Variants in ZBTB44 observed in about 807,000 individuals in gnomAD.
The protein encoded by ZBTB44 is zinc finger and BTB domain containing 44.
Under a neutral mutation model 54.0 loss-of-function variants are expected in ZBTB44, and 15 were observed. That is an observed-to-expected ratio of 0.28 (90% CI 0.19 to 0.43). ZBTB44 has a LOEUF of 0.43. Ranked by LOEUF, ZBTB44 falls within the 20% of genes least tolerant of loss-of-function variation. The probability of loss-of-function intolerance (pLI) is 1.00; values close to 1 mark genes in which losing one functional copy is unlikely to be tolerated. For missense variants in ZBTB44, 487 were observed against 707.1 expected, an observed-to-expected ratio of 0.69 and a Z score of 3.53; for synonymous variants, 230 against 250.1, an observed-to-expected ratio of 0.92 and a Z score of 0.76.
In ZBTB44 at chr11:130,314,387, G is replaced by GCGC. The variant is rs1242459696; in HGVS notation, c.-72_-70dup. On this transcript the variant is annotated 5_prime_UTR_variant, in exon 1 of 8. Transcript: ENST00000357899. Reference sequence around the variant, plus strand: ...CCCTCCCCGTTACCTGCGGGCGGCGGCGCCGGGCCCGGAGGCCTGCTGCTC... The same window carrying GCGC: ...CCCTCCCCGTTACCTGCGGGCGGCGGCGCCGCCGGGCCCGGAGGCCTGCTGCTC... 6 of 153,150 alleles carry GCGC rather than the reference G, an allele frequency of 3.9e-5. No individual in the cohort carries two copies. Among genetic ancestry groups the GCGC allele is most frequent in the Non-Finnish European group, 7.3e-5 (5 of 68,224 alleles). The allele number at this position is 153,150 out of a possible 1,614,324, so 9.5% of individuals were successfully genotyped here. A position where few individuals can be genotyped will look rare whatever the true frequency, so the allele number is the denominator to read the frequency against.
chr11:130,270,159 A>C (rs1939564071), intron 1 of ZBTB44, among the ~76,000 whole-genome samples: 1 of 152,232 alleles, frequency 6.6e-6, no homozygotes, highest in Admixed American at 6.5e-5. Flanking sequence ...TGATATTTGA[A>C]AGAATGTATC....
chr11:130,306,866 T>C (rs1003130665), intron 1 of ZBTB44, among the ~76,000 whole-genome samples: 4 of 151,918 alleles, frequency 2.6e-5, no homozygotes, highest in African/African-American at 9.7e-5. Flanking sequence ...ATATGAAGGA[T>C]ATAACGGACT....
rs59112840 is a variant in ZBTB44, at chr11:130,276,242, A to AAAAAAAAAAAAAG, written c.-56-14314_-56-14313insCTTTTTTTTTTTT. 3.2e-3 allele frequency among the ~76,000 whole-genome samples: 306 copies of AAAAAAAAAAAAAG among 94,186 alleles called. 16 individuals are homozygous for AAAAAAAAAAAAAG. Among genetic ancestry groups the AAAAAAAAAAAAAG allele is most frequent in the African/African-American group, 7.4e-3 (201 of 27,202 alleles). The allele number at this position is 94,186 out of a possible 152,430, so 61.8% of individuals were successfully genotyped here. A position where few individuals can be genotyped will look rare whatever the true frequency, so the allele number is the denominator to read the frequency against. Reference sequence around the variant, plus strand: ...CGTGAAACTCTGTCTCAAAAAAAAAAAAAAGAAAAAAGAAATCAGAGGTTT... The same window carrying AAAAAAAAAAAAAG: ...CGTGAAACTCTGTCTCAAAAAAAAAAAAAAAAAAAAAAGAAAAGAAAAAAGAAATCAGAGGTTT... On this transcript the variant is annotated intron_variant, in intron 1 of 7. Transcript: ENST00000357899.
chr11:130,281,025 A>T (rs1352380301), intron 1 of ZBTB44, among the ~76,000 whole-genome samples: 2 of 152,196 alleles, frequency 1.3e-5, no homozygotes, highest in South Asian at 2.1e-4. Context: ...TCATTAACAC[A>T]ACACACTTCT....
intron 1 of ZBTB44, among the ~76,000 whole-genome samples, chr11:130,276,242 A>AAAAAAAAAAAAAAAAGAAAAGAAAAAAG (rs59112840): frequency 1.2e-4 from 11 of 94,448 alleles, no homozygotes; most frequent in African/African-American, 4.0e-4. Flanking sequence ...CAAAAAAAAA[A>AAAAAAAAAAAAAAAAGAAAAGAAAAAAG]AAAAGAAAAA....
chr11:130,259,428 T>C (rs563587961), intron 2 of ZBTB44, among the ~76,000 whole-genome samples: 16 of 152,300 alleles, frequency 1.1e-4, no homozygotes, highest in African/African-American at 3.6e-4. Context: ...AGAAATACCA[T>C]TCGACCCAGC....
At chr11:130,269,616 AT>A (rs1337199378) in intron 1 of ZBTB44, among the ~76,000 whole-genome samples, 1 of 151,548 alleles carries the variant, frequency 6.6e-6, no homozygotes. Context: ...AGAACCTACA[AT>A]TTTTTTTTAC....
At chr11:130,247,878 A>G (rs2136335289) in intron 2 of ZBTB44, among the ~76,000 whole-genome samples, 1 of 152,346 alleles carries the variant, frequency 6.6e-6, no homozygotes, top group East Asian at 1.9e-4. Flanking sequence ...TTAAGTAACA[A>G]GGCCCAACCT....
At chr11:130,292,310 T>A (rs1264960832) in intron 1 of ZBTB44, among the ~76,000 whole-genome samples, 1 of 152,228 alleles carries the variant, frequency 6.6e-6, no homozygotes, top group Non-Finnish European at 1.5e-5. Context: ...ACTCTTAATA[T>A]GGCTTATTAT....
At chr11:130,259,956 G>GA (rs1319620246) in intron 2 of ZBTB44, among the ~76,000 whole-genome samples, 2 of 150,998 alleles carry the variant, frequency 1.3e-5, no homozygotes, top group African/African-American at 2.4e-5. Context: ...TTAAAAAAAA[G>GA]AAAAAAATAC....
At chr11:130,233,958 T>C in intron 6 of ZBTB44, 198 bp downstream of exon 6, 3 of 1,368,828 alleles carry the variant, frequency 2.2e-6, no homozygotes, top group African/African-American at 3.0e-5. Flanking sequence ...ACAGGCACTT[T>C]CCAAAAAACA....
At chr11:130,257,887 T>C (rs548421882) in intron 2 of ZBTB44, among the ~76,000 whole-genome samples, 2 of 152,268 alleles carry the variant, frequency 1.3e-5, no homozygotes, top group South Asian at 4.1e-4. Flanking sequence ...CTATTGAGAT[T>C]GAATTTGCCA....
chr11:130,242,701 T>C (rs374106934), intron 2 of ZBTB44, among the ~76,000 whole-genome samples: 2 of 152,080 alleles, frequency 1.3e-5, no homozygotes, highest in East Asian at 1.9e-4. Context: ...AAAAGTCATA[T>C]TCTTTTGAAG....
chr11:130,242,536 A>T (rs1270404220), intron 2 of ZBTB44, among the ~76,000 whole-genome samples: 1 of 88,342 alleles, frequency 1.1e-5, no homozygotes, highest in Admixed American at 1.4e-4. Flanking sequence ...TTGTTTGAAA[A>T]CATATTTATT....
rs1228189831 is a variant in ZBTB44 at position 130,230,960 on chromosome 11, GC to G, written c.*803del. 6.6e-6 allele frequency: 1 copy of G among 151,978 alleles called. No homozygotes were observed. Among genetic ancestry groups the G allele is most frequent in the Non-Finnish European group, 1.5e-5 (1 of 67,932 alleles). The allele number at this position is 151,978 out of a possible 1,614,324, so 9.4% of individuals were successfully genotyped here. ...GTACAAAATGCTTGGTTTTAAAAAG[GC>G]AATTTATTCTGCATTCTGAAATTTA... On this transcript the variant is annotated 3_prime_UTR_variant, in exon 8 of 8. Coordinates refer to ENST00000357899, the MANE Select transcript of ZBTB44 (RefSeq NM_001301098.2).
intron 5 of ZBTB44, 65 bp downstream of exon 5, chr11:130,236,728 C>A: frequency 1.5e-6 from 2 of 1,320,738 alleles, no homozygotes; most frequent in African/African-American, 3.0e-5. Context: ...GAAGGCTGCC[C>A]TAAAAGCAGG....
chr11:130,258,637 C>T (rs903149064), intron 2 of ZBTB44, among the ~76,000 whole-genome samples: 1 of 152,202 alleles, frequency 6.6e-6, no homozygotes, highest in Non-Finnish European at 1.5e-5. Context: ...AACTAATATA[C>T]ATTATCTTCC....
intron 1 of ZBTB44, among the ~76,000 whole-genome samples, chr11:130,309,086 T>C (rs1312579989): frequency 6.6e-6 from 1 of 152,178 alleles, no homozygotes; most frequent in African/African-American, 2.4e-5. Context: ...CTTGGCCTTA[T>C]CAGTACTGCA....
intron 7 of ZBTB44, chr11:130,232,629 G>A (rs1212869917): frequency 6.6e-6 from 1 of 152,142 alleles, no homozygotes; most frequent in Non-Finnish European, 1.5e-5. Flanking sequence ...ATAGTTAACT[G>A]TTTTTAATAA....
Sources: allele counts gnomAD v4.1 joint callset (sites outside exome capture counted in the v4.1 genomes callset), GRCh38; gene constraint gnomAD v4.1.1; transcripts MANE v1.5; gene names NCBI Gene and HGNC (gene_info 2026-07-23, HGNC 2026-07-21).